The following RFC1 variants were observed in gnomAD, a reference collection of about 807,000 sequenced individuals.
The protein encoded by RFC1 is A1 140 kDa subunit.
In RFC1, 37 loss-of-function variants were observed where a neutral mutation model predicts 137.4. That is an observed-to-expected ratio of 0.27 (90% CI 0.21 to 0.35). The LOEUF (loss-of-function observed/expected upper bound fraction) is 0.35. Among genes scored for constraint, RFC1 ranks in the 10% least tolerant of loss-of-function variants. The pLI, the probability that RFC1 is intolerant of heterozygous loss-of-function variation, is 1.00. For synonymous variants in RFC1, 429 were observed against 455.7 expected, an observed-to-expected ratio of 0.94 and a Z score of 0.75; for missense variants, 1,205 against 1,358.5, an observed-to-expected ratio of 0.89 and a Z score of 1.78.
At chr4:39,355,136 C>CA (rs1367592277) in intron 1 of RFC1, among the ~76,000 whole-genome samples, 2 of 131,420 alleles carry the variant, frequency 1.5e-5, no homozygotes, top group Non-Finnish European at 3.2e-5. Flanking sequence ...CACACACACA[C>CA]AACAGGCCAG....
chr4:39,298,201 G>T (rs1738133924), intron 21 of RFC1, among the ~76,000 whole-genome samples: 1 of 151,386 alleles, frequency 6.6e-6, no homozygotes, highest in Non-Finnish European at 1.5e-5. Flanking sequence ...CCAGCTACTT[G>T]CAGGGCTGAG....
intron 12 of RFC1, 117 bp from the exon 13 acceptor site, chr4:39,309,149 G>A (rs1344588252): frequency 1.8e-6 from 2 of 1,089,584 alleles, no homozygotes; most frequent in Non-Finnish European, 2.5e-6. Flanking sequence ...CTCAACCTGG[G>A]CTGGTCTTTT....
chr4:39,303,156 C>G lies in RFC1; in HGVS notation c.2111-5G>C. ...TTACTGAAGAGGCTGCTCCATCTGA[C>G]CCAGGTTGAGGAGCAATGGGATGAG... On this transcript the variant is annotated splice_polypyrimidine_tract_variant and splice_region_variant and intron_variant, in intron 15 of 24. Coordinates refer to ENST00000349703, the MANE Select transcript of RFC1 (RefSeq NM_002913.5). 6.2e-7 allele frequency: 1 copy of G among 1,607,574 alleles called. No individual in the cohort carries two copies. The highest frequency in any genetic ancestry group is 2.2e-5 in the East Asian group (1 of 44,860).
chr4:39,306,735 C>T, intron 13 of RFC1, 34 bp from the exon 14 acceptor site: 1 of 1,183,216 alleles, frequency 8.5e-7, no homozygotes, highest in Non-Finnish European at 1.3e-6. Flanking sequence ...GAGTGTCAAC[C>T]TATATCACCT....
At position 39,309,024 on chromosome 4, in the gene RFC1, T is replaced by C. The variant is rs149042336; in HGVS notation, c.1497A>G (p.Lys499=). 52 of 1,588,816 alleles carry C rather than the reference T, an allele frequency of 3.3e-5. 1 individual carries two copies. The highest frequency in any genetic ancestry group is 2.0e-4 in the South Asian group (17 of 85,830). The part of the protein sequence containing the change: ...YEIAVETEMK[K]ESKLERTPQK... ...GGGGTGTTCTCTCCAGTTTGGACTC[T>C]TTCTTCATCTTAAGAAGTGGAAAAA... Residue 499 remains lysine, a synonymous_variant, in exon 13 of 25, where the codon AAA becomes AAG. Transcript: ENST00000349703.
chr4:39,354,974 C>T (rs1464352682), intron 1 of RFC1, among the ~76,000 whole-genome samples: 1 of 150,982 alleles, frequency 6.6e-6, no homozygotes, highest in Non-Finnish European at 1.5e-5. Flanking sequence ...CCTAGCTACT[C>T]AGGGGGCTGA....
In RFC1 at chr4:39,354,749, C is replaced by CAAAAAAAAAAAAAAAAAA; in HGVS notation, c.4-3291_4-3274dup. Among the ~76,000 whole-genome samples the CAAAAAAAAAAAAAAAAAA allele has an allele frequency of 3.9e-5, 2 of 51,008 alleles. 1 individual carries two copies. The highest frequency in any genetic ancestry group is 7.2e-5 in the Non-Finnish European group (2 of 27,954). 33.5% of individuals were successfully genotyped at this position (51,008 alleles called of 152,430 possible). The stretch of plus-strand genomic sequence containing the variant: ...CCTGGACAACATAGTGAAACTATCT[C>CAAAAAAAAAAAAAAAAAA]AAAAAAAAAAAAAAAAAAAAAAAAG... On this transcript the variant is annotated intron_variant, in intron 1 of 24. Coordinates refer to ENST00000349703, the MANE Select transcript of RFC1 (RefSeq NM_002913.5).
intron 4 of RFC1, among the ~76,000 whole-genome samples, chr4:39,328,525 G>A (rs1739901314): frequency 6.6e-6 from 1 of 152,148 alleles, no homozygotes; most frequent in South Asian, 2.1e-4. Context: ...TTTAACGGAG[G>A]CCTGAAATGA....
At chr4:39,303,179 G>A (rs1165122384) in intron 15 of RFC1, 28 bp from the exon 16 acceptor site, 3 of 1,490,610 alleles carry the variant, frequency 2.0e-6, no homozygotes, top group Non-Finnish European at 2.8e-6. Flanking sequence ...GCAATGGGAT[G>A]AGACAAAAAC....
intron 1 of RFC1, among the ~76,000 whole-genome samples, chr4:39,363,886 C>CA (rs1159272925): frequency 7.6e-4 from 58 of 75,986 alleles, no homozygotes; most frequent in African/African-American, 2.7e-3. Flanking sequence ...GCAAGACTCT[C>CA]AAAAAAAAAA....
Position 39,320,506 on chromosome 4 carries a change from T to C in RFC1, c.972A>G (p.Arg324=), listed in dbSNP as rs1739465908. 2 of 1,611,904 alleles carry C rather than the reference T, an allele frequency of 1.2e-6. No individual in the cohort carries two copies. The highest frequency in any genetic ancestry group is 1.7e-5 in the Admixed American group (1 of 59,572). ...KASSKLAIMK[R]KEESSYKEIE... is the part of the protein sequence containing the mutation. ...TTTCTTTATAAGAGCTCTCTTCTTT[T>C]CTTTTCATAATTGCCAGCTTAGAAC... The change falls in exon 9 of 25, where the codon AGA becomes AGG. Residue 324 remains arginine (R), a synonymous_variant. Transcript: ENST00000349703.
chr4:39,366,057 C>A (rs1211852868), intron 1 of RFC1, among the ~76,000 whole-genome samples, 182 bp downstream of exon 1: 1 of 152,194 alleles, frequency 6.6e-6, no homozygotes, highest in African/African-American at 2.4e-5. Context: ...GAGCCAGAGC[C>A]CGCGATGCAA....
intron 4 of RFC1, among the ~76,000 whole-genome samples, chr4:39,328,236 G>A (rs948279122): frequency 6.6e-6 from 1 of 152,038 alleles, no homozygotes; most frequent in East Asian, 1.9e-4. Context: ...CCTGTAATAC[G>A]CTATATCCCC....
At chr4:39,289,160 G>A (rs1258359143) in intron 24 of RFC1, among the ~76,000 whole-genome samples, 1 of 152,186 alleles carries the variant, frequency 6.6e-6, no homozygotes, top group African/African-American at 2.4e-5. Context: ...AGAGGTAATT[G>A]ACAAATAGGG....
At chr4:39,309,779 C>G (rs1304904937) in intron 12 of RFC1, among the ~76,000 whole-genome samples, 3 of 152,134 alleles carry the variant, frequency 2.0e-5, no homozygotes, top group Non-Finnish European at 4.4e-5. Flanking sequence ...TACTAAAAAC[C>G]ACTGATTTGT....
At chr4:39,354,277 G>A (rs1741349980) in intron 1 of RFC1, among the ~76,000 whole-genome samples, 1 of 152,100 alleles carries the variant, frequency 6.6e-6, no homozygotes, top group Admixed American at 6.6e-5. Context: ...AGCCATCTGA[G>A]GTATAAACAT....
At chr4:39,324,195 G>A (rs1560606540) in intron 6 of RFC1, among the ~76,000 whole-genome samples, 1 of 151,902 alleles carries the variant, frequency 6.6e-6, no homozygotes, top group Non-Finnish European at 1.5e-5. Context: ...CAAAGAAAAG[G>A]ACTTCAAAAT....
At chr4:39,328,098 A>C (rs1343703407) in intron 4 of RFC1, among the ~76,000 whole-genome samples, 2 of 152,170 alleles carry the variant, frequency 1.3e-5, no homozygotes. Context: ...GCACCACTGC[A>C]CTCCAGTCTG....
intron 3 of RFC1, 138 bp downstream of exon 3, chr4:39,345,263 C>T: frequency 1.6e-6 from 1 of 610,086 alleles, no homozygotes; most frequent in Non-Finnish European, 2.7e-6. Flanking sequence ...CATCTGCCTG[C>T]CTTTGCCTCC....
Sources: allele counts gnomAD v4.1 joint callset (sites outside exome capture counted in the v4.1 genomes callset), GRCh38; gene constraint gnomAD v4.1.1; transcripts MANE v1.5; gene names NCBI Gene and HGNC (gene_info 2026-07-23, HGNC 2026-07-21).